PTPRT: variants seen among roughly 807,000 people sequenced by gnomAD.
PTPRT encodes the protein receptor-type tyrosine-protein phosphatase T.
In PTPRT, 56 loss-of-function variants were observed where a neutral mutation model predicts 176.8. That is an observed-to-expected ratio of 0.32 (90% CI 0.26 to 0.40). The LOEUF (loss-of-function observed/expected upper bound fraction) is 0.40. Among genes scored for constraint, PTPRT ranks in the 10% least tolerant of loss-of-function variants. The pLI is 1.00. For missense variants in PTPRT, 1,540 were observed against 1,908.2 expected (o/e 0.81, Z 3.60); for synonymous variants, 783 against 739.0 (o/e 1.06, Z -0.96).
At chr20:42,357,638 G>A (rs2145551358) in intron 9 of PTPRT, among the ~76,000 whole-genome samples, 1 of 152,334 alleles carries the variant, frequency 6.6e-6, no homozygotes, top group Non-Finnish European at 1.5e-5. Context: ...TCAAGGCGCA[G>A]TGGCTCATGT....
chr20:43,016,558 T>TC (rs1243463823), intron 1 of PTPRT, among the ~76,000 whole-genome samples: 1 of 134,088 alleles, frequency 7.5e-6, no homozygotes, highest in East Asian at 2.1e-4. Flanking sequence ...GCCACTTTTT[T>TC]TTTTTTTTTT....
intron 7 of PTPRT, among the ~76,000 whole-genome samples, chr20:42,548,248 C>A (rs6016818): frequency 0.55 from 82,962 of 151,862 alleles, 23,447 homozygotes; most frequent in African/African-American, 0.7. Context: ...GAAAGAATAA[C>A]AATCCATGAC....
chr20:42,998,461 T>C (rs1197686060), intron 1 of PTPRT, among the ~76,000 whole-genome samples: 13 of 152,122 alleles, frequency 8.5e-5, no homozygotes, highest in Admixed American at 5.2e-4. Context: ...GAATTAATCA[T>C]ATTGGAGTGA....
chr20:42,506,185 A>T (rs1487792861), intron 7 of PTPRT, among the ~76,000 whole-genome samples: 2 of 152,206 alleles, frequency 1.3e-5, no homozygotes, highest in Non-Finnish European at 2.9e-5. Context: ...TGTAATGTAC[A>T]TATAATACAT....
At chr20:42,489,974 A>G (rs546163007) in intron 7 of PTPRT, among the ~76,000 whole-genome samples, 1 of 152,314 alleles carries the variant, frequency 6.6e-6, no homozygotes, top group Non-Finnish European at 1.5e-5. Context: ...CAGTAAAAAA[A>G]GTTTTCCTCA....
At chr20:42,264,485 T>C (rs1045717645) in intron 13 of PTPRT, among the ~76,000 whole-genome samples, 1 of 152,180 alleles carries the variant, frequency 6.6e-6, no homozygotes, top group African/African-American at 2.4e-5. Flanking sequence ...TATGAGTAGT[T>C]GCCCAGAACA....
intron 1 of PTPRT, among the ~76,000 whole-genome samples, chr20:43,112,646 G>A (rs2425611): frequency 6.6e-6 from 1 of 152,184 alleles, no homozygotes; most frequent in Non-Finnish European, 1.5e-5. Context: ...GTGCAAGGAA[G>A]TTCCTCTGGT....
intron 19 of PTPRT, among the ~76,000 whole-genome samples, chr20:42,127,952 T>A (rs560442346): frequency 6.6e-6 from 1 of 152,318 alleles, no homozygotes; most frequent in South Asian, 2.1e-4. Flanking sequence ...GGTCACCTCC[T>A]TGATAAAAAA....
chr20:42,565,960 A>C lies in PTPRT; in HGVS notation c.1154-93398T>G, dbSNP rs569215702. Among the ~76,000 whole-genome samples the C allele has an allele frequency of 4.6e-5, 7 of 152,088 alleles. No individual in the cohort carries two copies. In the East Asian group the frequency reaches 1.4e-3, roughly 29 times the overall value. On this transcript the variant is annotated intron_variant, in intron 7 of 30. Transcript: ENST00000373187. ...GGCAGAGACGACTTGCTCTCTCCCA[A>C]ATTCACTCTCACCTTCCATCACACA... is the stretch of plus-strand genomic sequence containing the variant.
At chr20:42,376,388 G>A (rs1307462655) in intron 9 of PTPRT, among the ~76,000 whole-genome samples, 1 of 152,172 alleles carries the variant, frequency 6.6e-6, no homozygotes, top group Non-Finnish European at 1.5e-5. Flanking sequence ...TCCCTCTCCA[G>A]GCCACAGCTG....
At chr20:42,351,382 A>C (rs1428621073) in intron 10 of PTPRT, among the ~76,000 whole-genome samples, 2 of 152,228 alleles carry the variant, frequency 1.3e-5, no homozygotes, top group Non-Finnish European at 2.9e-5. Context: ...CCACAGGGGA[A>C]TGTATAATTA....
intron 7 of PTPRT, among the ~76,000 whole-genome samples, chr20:42,501,995 G>A: frequency 6.6e-6 from 1 of 151,972 alleles, no homozygotes; most frequent in East Asian, 1.9e-4. Flanking sequence ...TATTTTCTTT[G>A]AATGCTTGGT....
At chr20:42,455,466 G>A (rs1432118710) in intron 8 of PTPRT, among the ~76,000 whole-genome samples, 1 of 152,010 alleles carries the variant, frequency 6.6e-6, no homozygotes, top group African/African-American at 2.4e-5. Flanking sequence ...TTATCTCAGG[G>A]TCTGCTTCTG....
chr20:42,344,888 G>A (rs1275021350), intron 11 of PTPRT, among the ~76,000 whole-genome samples: 2 of 151,972 alleles, frequency 1.3e-5, no homozygotes, highest in South Asian at 2.1e-4. Flanking sequence ...TTCTCTGTGT[G>A]CGCTTTTGCA....
chr20:42,844,024 C>T (rs1404925928), intron 2 of PTPRT, among the ~76,000 whole-genome samples: 1 of 152,168 alleles, frequency 6.6e-6, no homozygotes, highest in Non-Finnish European at 1.5e-5. Context: ...CACAAAACTT[C>T]AAAATAAAGT....
At chr20:43,068,357 T>A (rs1186781525) in intron 1 of PTPRT, among the ~76,000 whole-genome samples, 1 of 151,060 alleles carries the variant, frequency 6.6e-6, no homozygotes, top group Non-Finnish European at 1.5e-5. Context: ...ACTAAAAAAT[T>A]AGCCGGGCAT....
chr20:42,570,344 C>A (rs2073133410), intron 7 of PTPRT, among the ~76,000 whole-genome samples: 1 of 152,138 alleles, frequency 6.6e-6, no homozygotes, highest in Admixed American at 6.5e-5. Flanking sequence ...GTGTAAATGC[C>A]ATTCCAAATC....
chr20:42,562,370 G>A (rs1261614569), intron 7 of PTPRT, among the ~76,000 whole-genome samples: 2 of 152,104 alleles, frequency 1.3e-5, no homozygotes, highest in South Asian at 2.1e-4. Flanking sequence ...TACTGTTTGC[G>A]TCCAGCTTTG....
chr20:42,152,285 G>C (rs565476616), intron 17 of PTPRT, among the ~76,000 whole-genome samples: 12 of 152,192 alleles, frequency 7.9e-5, no homozygotes, highest in Non-Finnish European at 1.5e-4. Context: ...CAAGACTTAG[G>C]GATTATAAAT....
Sources: gnomAD v4.1 joint callset for allele counts (sites outside exome capture counted in the v4.1 genomes callset) on GRCh38, gnomAD v4.1.1 for gene constraint, MANE v1.5 for transcripts, NCBI Gene and HGNC (gene_info 2026-07-23, HGNC 2026-07-21) for gene names.